Variants in DNAAF5 observed in about 807,000 individuals in gnomAD.
DNAAF5 encodes the protein HEAT repeat containing 2.
Under a neutral mutation model 75.8 loss-of-function variants are expected in DNAAF5, and 64 were observed. The ratio of observed to expected loss-of-function variants is 0.84; its 90% CI spans 0.69 to 1.04. The LOEUF (loss-of-function observed/expected upper bound fraction) is 1.04, where lower values mean the gene tolerates loss of function less well. Among genes scored for constraint, DNAAF5 ranks in the 50% least tolerant of loss-of-function variants. DNAAF5 has a pLI of 0.00. For missense variants in DNAAF5, 1,269 were observed against 1,178.5 expected, an observed-to-expected ratio of 1.08 and a Z score of -1.12; for synonymous variants, 657 against 557.2, an observed-to-expected ratio of 1.18 and a Z score of -2.52.
chr7:774,243 C>T, intron 10 of DNAAF5, 45 bp downstream of exon 10: 2 of 1,538,960 alleles, frequency 1.3e-6, no homozygotes, highest in African/African-American at 1.4e-5. Context: ...CCGGGGACTG[C>T]GCAGGCTTCC....
rs184559388 is a variant in DNAAF5 at position 753,361 on chromosome 7, G to A, written c.1025-1228G>A. Among the ~76,000 whole-genome samples, 6 of 152,380 alleles carry A rather than the reference G, an allele frequency of 3.9e-5. No homozygotes were observed. In the East Asian group the frequency reaches 7.7e-4, roughly 20 times the overall value. On this transcript the variant is annotated intron_variant, in intron 4 of 12. Transcript: ENST00000297440. ...TGCAGAGTGAAAGAAGCGGAGAAGGGAGGAGAGTGAACGAGAGGCTTCCAC... is the reference window on the plus strand; with the variant it reads ...TGCAGAGTGAAAGAAGCGGAGAAGGAAGGAGAGTGAACGAGAGGCTTCCAC...
At chr7:740,298 C>A (rs1438149138) in intron 2 of DNAAF5, among the ~76,000 whole-genome samples, 2 of 152,232 alleles carry the variant, frequency 1.3e-5, no homozygotes, top group East Asian at 3.9e-4. Context: ...TCTTCAGACA[C>A]CCAGCAGCAG....
chr7:750,863 T>G (rs1782270433), intron 4 of DNAAF5: 1 of 167,064 alleles, frequency 6.0e-6, no homozygotes. Flanking sequence ...TTGCAAACTT[T>G]CCAGAGCGGA....
At chr7:761,503 A>AAGTCACGTCTT (rs1782642245) in intron 6 of DNAAF5, among the ~76,000 whole-genome samples, 4 of 152,258 alleles carry the variant, frequency 2.6e-5, no homozygotes, top group African/African-American at 9.6e-5. Flanking sequence ...AGGAGGAGCA[A>AAGTCACGTCTT]AGTCACGTCT....
At chr7:738,500 A>G (rs1378466588) in intron 2 of DNAAF5, among the ~76,000 whole-genome samples, 3 of 151,336 alleles carry the variant, frequency 2.0e-5, no homozygotes, top group Admixed American at 2.0e-4. Flanking sequence ...CTTGCTAGGT[A>G]TTTACTGTCA....
intron 6 of DNAAF5, 116 bp from the exon 7 acceptor site, chr7:761,637 C>T: frequency 1.8e-6 from 2 of 1,108,940 alleles, no homozygotes; most frequent in Middle Eastern, 3.0e-4. Flanking sequence ...AGTTCCCTCC[C>T]ACAGGGTCCC....
intron 2 of DNAAF5, among the ~76,000 whole-genome samples, chr7:735,528 T>G (rs962339134): frequency 7.7e-6 from 1 of 129,718 alleles, no homozygotes; most frequent in Non-Finnish European, 1.7e-5. Flanking sequence ...TGCTCACGGT[T>G]TTCTTCATGG....
In DNAAF5 at chr7:753,782, CTCA is replaced by C. The variant is rs201859760; in HGVS notation, c.1025-802_1025-800del. On this transcript the variant is annotated intron_variant, in intron 4 of 12. Coordinates refer to ENST00000297440, the MANE Select transcript of DNAAF5 (RefSeq NM_017802.4). The stretch of plus-strand genomic sequence containing the variant: ...GCGACGGCTTCGCAGGCGTGTCTCT[CTCA>C]TCATATGGCGATGGCTTCGCAGGCG... Among the ~76,000 whole-genome samples the C allele has an allele frequency of 6.1e-3, 828 of 135,590 alleles. 14 individuals carry two copies. The highest frequency in any genetic ancestry group is 0.019 in the African/African-American group (642 of 33,648). 89.0% of individuals were successfully genotyped at this position (135,590 alleles called of 152,430 possible).
intron 2 of DNAAF5, 53 bp from the exon 3 acceptor site, chr7:740,766 C>G (rs1781879751): frequency 6.2e-7 from 1 of 1,604,954 alleles, no homozygotes; most frequent in Admixed American, 1.7e-5. Flanking sequence ...GTGGCGTCAG[C>G]CCCGGCATCC....
intron 12 of DNAAF5, among the ~76,000 whole-genome samples, chr7:784,893 G>C (rs185776153): frequency 2.6e-5 from 4 of 152,282 alleles, no homozygotes; most frequent in Admixed American, 2.6e-4. Flanking sequence ...TCAGTTCTTT[G>C]AATGCACGTT....
intron 2 of DNAAF5, among the ~76,000 whole-genome samples, chr7:733,316 T>A (rs186600209): frequency 6.6e-6 from 1 of 151,014 alleles, no homozygotes; most frequent in Non-Finnish European, 1.5e-5. Context: ...TTTAGGATTA[T>A]TTTTTCTATT....
rs543204402 is a variant in DNAAF5 at position 779,895 on chromosome 7, G to A, written c.2240-58G>A. 1.1e-4 allele frequency: 161 copies of A among 1,475,938 alleles called. 1 individual carries two copies. The highest frequency in any genetic ancestry group is 1.4e-4 in the Non-Finnish European group (147 of 1,073,338). The allele number at this position is 1,475,938 out of a possible 1,614,324, so 91.4% of individuals were successfully genotyped here. On this transcript the variant is annotated intron_variant, in intron 11 of 12. Transcript: ENST00000297440. ...GTATGAACTAAATGCCTTTGTGGAC[G>A]TTTAGACGTGAAATGTCTGCTCTAG...
At chr7:751,906 G>C (rs567337726) in intron 4 of DNAAF5, among the ~76,000 whole-genome samples, 1 of 152,258 alleles carries the variant, frequency 6.6e-6, no homozygotes, top group East Asian at 1.9e-4. Context: ...TTTCATCAAA[G>C]TCCCTGAAGG....
intron 8 of DNAAF5, among the ~76,000 whole-genome samples, chr7:767,832 A>C (rs557769835): frequency 2.0e-4 from 30 of 149,448 alleles, no homozygotes; most frequent in Non-Finnish European, 3.4e-4. Context: ...GTCCGGGTGG[A>C]AGTGTCCCTG....
intron 12 of DNAAF5, among the ~76,000 whole-genome samples, chr7:781,605 C>G (rs1028866198): frequency 6.6e-6 from 1 of 152,224 alleles, no homozygotes; most frequent in African/African-American, 2.4e-5. Context: ...GTTCTCCCAG[C>G]GGTGCTCATT....
At chr7:742,153 T>G (rs557695083) in intron 4 of DNAAF5, among the ~76,000 whole-genome samples, 1 of 152,128 alleles carries the variant, frequency 6.6e-6, no homozygotes, top group African/African-American at 2.4e-5. Flanking sequence ...GAAACCGCCC[T>G]CCTCTCGCGG....
intron 4 of DNAAF5, among the ~76,000 whole-genome samples, chr7:753,611 A>T (rs948411687): frequency 1.4e-5 from 2 of 143,560 alleles, no homozygotes; most frequent in African/African-American, 2.6e-5. Flanking sequence ...GTCTCTCATC[A>T]TATGGGGACG....
chr7:784,393 G>A (rs1368104779), intron 12 of DNAAF5, among the ~76,000 whole-genome samples: 1 of 152,182 alleles, frequency 6.6e-6, no homozygotes, highest in Non-Finnish European at 1.5e-5. Context: ...ACCCTCAGTG[G>A]CTCAGTGGCC....
Position 756,837 on chromosome 7 carries a change from A to G in DNAAF5, c.1313A>G (p.Lys438Arg), listed in dbSNP as rs563267198. 6.2e-7 allele frequency: 1 copy of G among 1,613,956 alleles called. No individual in the cohort carries two copies. The highest frequency in any genetic ancestry group is 2.2e-5 in the East Asian group (1 of 44,872). Residue 438 changes from lysine (K) to arginine (R), a missense_variant, in exon 6 of 13, where the codon AAG (lysine) becomes AGG (arginine). Transcript: ENST00000297440. The part of the protein sequence containing the change: ...GTFVSPEVFL[K>R]LILSTLKKTP... Reference sequence around the variant, plus strand: ...TTTGTCAGCCCTGAGGTGTTTCTGAAGCTGATCTTATCGACGCTGAAGAAG... The same window carrying G: ...TTTGTCAGCCCTGAGGTGTTTCTGAGGCTGATCTTATCGACGCTGAAGAAG...
Sources: gnomAD v4.1 joint callset for allele counts (sites outside exome capture counted in the v4.1 genomes callset) on GRCh38, gnomAD v4.1.1 for gene constraint, MANE v1.5 for transcripts, NCBI Gene and HGNC (gene_info 2026-07-23, HGNC 2026-07-21) for gene names.